The following ADAMTS17 variants were observed in gnomAD, a reference collection of about 807,000 sequenced individuals.
The protein encoded by ADAMTS17 is ADAM metallopeptidase with thrombospondin type 1 motif 17, also known as A disintegrin and metalloproteinase with thrombospondin motifs 17.
In ADAMTS17, 113 loss-of-function variants were observed where a neutral mutation model predicts 141.5. That is an observed-to-expected ratio of 0.80 (90% confidence interval 0.69 to 0.93). The LOEUF is 0.93. Ranked by LOEUF, ADAMTS17 falls within the 40% of genes least tolerant of loss-of-function variation. The pLI is 0.00. For synonymous variants in ADAMTS17, 768 were observed against 630.6 expected (o/e 1.22, Z -3.27); for missense variants, 1,659 against 1,517.9 (o/e 1.09, Z -1.54).
At chr15:100,252,841 C>T (rs748214401) in intron 7 of ADAMTS17, among the ~76,000 whole-genome samples, 2 of 152,184 alleles carry the variant, frequency 1.3e-5, no homozygotes, top group Non-Finnish European at 2.9e-5. Context: ...ATTTTGTAAA[C>T]TCTAAAATGT....
rs375993673 is a variant in ADAMTS17 at position 100,106,993 on chromosome 15, G to A, written c.2016+1996C>T. ...GTGCCAAGACTCTTGGGCACCAGGC[G>A]CTTATCACCCACATTTATCTGTATT... On this transcript the variant is annotated intron_variant, in intron 14 of 21. Transcript: ENST00000268070. Among the ~76,000 whole-genome samples the A allele has an allele frequency of 7.2e-4, 110 of 152,292 alleles. 2 individuals carry two copies. The highest frequency in any genetic ancestry group is 2.3e-3 in the African/African-American group (96 of 41,570).
intron 15 of ADAMTS17, among the ~76,000 whole-genome samples, chr15:100,091,751 G>A (rs1003553931): frequency 2.0e-5 from 3 of 152,108 alleles, no homozygotes; most frequent in African/African-American, 7.2e-5. Context: ...CTGGCTACGT[G>A]TACTTGGACT....
In ADAMTS17 at chr15:100,187,313, G is replaced by A. The variant is rs532802220; in HGVS notation, c.1181+12005C>T. On this transcript the variant is annotated intron_variant, in intron 8 of 21. Coordinates refer to ENST00000268070, the MANE Select transcript of ADAMTS17 (RefSeq NM_139057.4). ...GTTGAAAACATGATTGCTTTAGGGT[G>A]CTCTTCGACTTTCTTTCCCTTTGGT... 2.6e-5 allele frequency among the ~76,000 whole-genome samples: 4 copies of A among 152,308 alleles called. No individual in the cohort carries two copies. The South Asian group carries it at 8.3e-4, about 32-fold the overall frequency.
At chr15:100,171,830 C>A (rs1056396346) in intron 8 of ADAMTS17, among the ~76,000 whole-genome samples, 17 of 152,202 alleles carry the variant, frequency 1.1e-4, no homozygotes, top group Non-Finnish European at 2.9e-5. Flanking sequence ...AAAATAAAAA[C>A]AGCTTCTCTG....
rs190708243 is a variant in ADAMTS17, at chr15:100,100,101, G to C, written c.2017-3625C>G. Among the ~76,000 whole-genome samples the C allele has an allele frequency of 1.9e-3, 293 of 152,306 alleles. 3 individuals are homozygous for C. Among genetic ancestry groups the C allele is most frequent in the Middle Eastern group, 0.01 (3 of 294 alleles). ...GTGCATGTATTGATTCACCCGTGGTGCCTGTTATGTGCCTAACCTGGAAAT... is the reference window on the plus strand; with the variant it reads ...GTGCATGTATTGATTCACCCGTGGTCCCTGTTATGTGCCTAACCTGGAAAT... On this transcript the variant is annotated intron_variant, in intron 14 of 21. Transcript: ENST00000268070.
At chr15:100,082,248 T>C (rs1418399284) in intron 15 of ADAMTS17, among the ~76,000 whole-genome samples, 2 of 152,154 alleles carry the variant, frequency 1.3e-5, no homozygotes, top group Non-Finnish European at 2.9e-5. Context: ...GTATTTTTGG[T>C]AGAGATGGGG....
chr15:100,241,702 C>T (rs886169642), intron 7 of ADAMTS17, among the ~76,000 whole-genome samples: 3 of 152,144 alleles, frequency 2.0e-5, no homozygotes, highest in Non-Finnish European at 4.4e-5. Flanking sequence ...GGCCCTCAGC[C>T]CTTTCCTAAC....
intron 20 of ADAMTS17, among the ~76,000 whole-genome samples, chr15:99,986,552 C>A (rs8031234): frequency 0.038 from 5,826 of 152,248 alleles, 387 homozygotes; most frequent in African/African-American, 0.13. Flanking sequence ...GTCAGATCAG[C>A]CCCTTCCACT....
chr15:100,193,485 G>T (rs2040994915), intron 8 of ADAMTS17, among the ~76,000 whole-genome samples: 1 of 152,196 alleles, frequency 6.6e-6, no homozygotes, highest in Non-Finnish European at 1.5e-5. Context: ...ATGGCGGAAA[G>T]AGATGGTGGC....
intron 8 of ADAMTS17, among the ~76,000 whole-genome samples, chr15:100,186,717 T>C (rs2040731457): frequency 6.6e-6 from 1 of 152,200 alleles, no homozygotes; most frequent in African/African-American, 2.4e-5. Context: ...GTTCTCCATA[T>C]TTCCCCATCA....
rs1484983535 is a variant in ADAMTS17 at position 99,973,166 on chromosome 15, G to A, written c.*1236C>T. On this transcript the variant is annotated 3_prime_UTR_variant, in exon 22 of 22. Coordinates refer to ENST00000268070, the MANE Select transcript of ADAMTS17 (RefSeq NM_139057.4). Reference sequence around the variant, plus strand: ...GCGTAAGGGGGCTGCAGGGGGGAAGGACCTTCCTTCATCATGCATCATCCT... The same window carrying A: ...GCGTAAGGGGGCTGCAGGGGGGAAGAACCTTCCTTCATCATGCATCATCCT... 1.1e-5 allele frequency: 1 copy of A among 88,252 alleles called. No individual in the cohort carries two copies. Among genetic ancestry groups the A allele is most frequent in the Non-Finnish European group, 2.6e-5 (1 of 38,238 alleles). 5.5% of individuals were successfully genotyped at this position (88,252 alleles called of 1,614,324 possible).
intron 3 of ADAMTS17, among the ~76,000 whole-genome samples, chr15:100,320,598 C>T (rs1317647680): frequency 1.3e-5 from 2 of 152,120 alleles, no homozygotes; most frequent in Admixed American, 6.5e-5. Context: ...TTTGGGAGGC[C>T]GAGGCGGGCC....
At chr15:100,283,977 G>A (rs76726602) in intron 3 of ADAMTS17, among the ~76,000 whole-genome samples, 9,603 of 152,144 alleles carry the variant, frequency 0.063, 553 homozygotes, top group East Asian at 0.23. Context: ...ATGGTGGTGC[G>A]TGCCTGTAAT....
rs143473659 is a variant in ADAMTS17, at chr15:100,305,210, G to C, written c.617-23809C>G. The stretch of plus-strand genomic sequence containing the variant: ...ATAGAAAAAAAAAACACCTTATAAA[G>C]CTTATCTCATCCAGGTCTCATTTAT... On this transcript the variant is annotated intron_variant, in intron 3 of 21. Transcript: ENST00000268070. 3.4e-3 allele frequency among the ~76,000 whole-genome samples: 514 copies of C among 152,118 alleles called. 4 individuals carry two copies. Among genetic ancestry groups the C allele is most frequent in the African/African-American group, 0.012 (483 of 41,508 alleles).
chr15:100,040,460 A>G (rs2031147000), intron 18 of ADAMTS17, among the ~76,000 whole-genome samples: 1 of 152,194 alleles, frequency 6.6e-6, no homozygotes. Context: ...CCTTTCTTGT[A>G]ACTGTGACAT....
At chr15:100,186,498 T>C (rs1292580405) in intron 8 of ADAMTS17, among the ~76,000 whole-genome samples, 1 of 152,206 alleles carries the variant, frequency 6.6e-6, no homozygotes, top group Non-Finnish European at 1.5e-5. Flanking sequence ...TTCCCTCCCA[T>C]CTTGGCGCCA....
Position 99,971,791 on chromosome 15 carries a change from G to A in ADAMTS17, c.*2611C>T, listed in dbSNP as rs2060210845. ...TGAGACTCTGGTAACACGTGCGTTAGTGACACGTGTGCAAGCACAAAGGTA... is the reference window on the plus strand; with the variant it reads ...TGAGACTCTGGTAACACGTGCGTTAATGACACGTGTGCAAGCACAAAGGTA... On this transcript the variant is annotated 3_prime_UTR_variant, in exon 22 of 22. Transcript: ENST00000268070. 1 of 152,070 alleles carries A rather than the reference G, an allele frequency of 6.6e-6. No homozygotes were observed. Among genetic ancestry groups the A allele is most frequent in the Non-Finnish European group, 1.5e-5 (1 of 67,926 alleles). 9.4% of individuals were successfully genotyped at this position (152,070 alleles called of 1,614,324 possible).
chr15:100,048,339 C>T (rs969236410), intron 18 of ADAMTS17, among the ~76,000 whole-genome samples: 8 of 152,162 alleles, frequency 5.3e-5, no homozygotes, highest in South Asian at 4.1e-4. Flanking sequence ...CTCCTGACAA[C>T]CCAAGAGAGT....
intron 15 of ADAMTS17, among the ~76,000 whole-genome samples, chr15:100,074,400 C>G (rs1567130225): frequency 1.3e-5 from 2 of 151,718 alleles, no homozygotes; most frequent in African/African-American, 4.8e-5. Flanking sequence ...ATATTAAAGA[C>G]ATATACATTA....
Sources: gnomAD v4.1 joint callset for allele counts (sites outside exome capture counted in the v4.1 genomes callset) on GRCh38, gnomAD v4.1.1 for gene constraint, MANE v1.5 for transcripts, NCBI Gene and HGNC (gene_info 2026-07-23, HGNC 2026-07-21) for gene names.